The following SUPV3L1 variants were observed in gnomAD, a reference collection of about 807,000 sequenced individuals.
SUPV3L1 encodes the protein Suv3 like RNA helicase.
A neutral mutation model predicts 70.0 loss-of-function variants in SUPV3L1; 35 were observed. The ratio of observed to expected loss-of-function variants is 0.50; its 90% CI spans 0.38 to 0.66. The LOEUF (loss-of-function observed/expected upper bound fraction) is 0.66, where lower values mean the gene tolerates loss of function less well. Among genes scored for constraint, SUPV3L1 ranks in the 30% least tolerant of loss-of-function variants. SUPV3L1 has a pLI of 0.00. For synonymous variants in SUPV3L1, 364 were observed against 341.9 expected, an observed-to-expected ratio of 1.06 and a Z score of -0.71; for missense variants, 777 against 961.5, an observed-to-expected ratio of 0.81 and a Z score of 2.54.
Position 69,196,103 on chromosome 10 carries a change from G to C in SUPV3L1, c.931+838G>C, listed in dbSNP as rs1842535500. Among the ~76,000 whole-genome samples the C allele has an allele frequency of 2.0e-5, 3 of 152,066 alleles. No homozygotes were observed. In the South Asian group the frequency reaches 6.2e-4, roughly 32 times the overall value. On this transcript the variant is annotated intron_variant, in intron 7 of 14. Coordinates refer to ENST00000359655, the MANE Select transcript of SUPV3L1 (RefSeq NM_003171.5). ...ATAGGCTCCTGTAAGTGGAGTTCTTGAGGTCCATAGACATGAATGAACATT... is the reference window on the plus strand; with the variant it reads ...ATAGGCTCCTGTAAGTGGAGTTCTTCAGGTCCATAGACATGAATGAACATT...
intron 13 of SUPV3L1, 94 bp from the exon 14 acceptor site, chr10:69,207,699 T>G: frequency 2.9e-6 from 4 of 1,382,788 alleles, no homozygotes; most frequent in Non-Finnish European, 3.9e-6. Flanking sequence ...ACAACCACAA[T>G]GTTTTGTTTT....
chr10:69,207,696 C>A, intron 13 of SUPV3L1, 97 bp from the exon 14 acceptor site: 1 of 1,391,384 alleles, frequency 7.2e-7, no homozygotes, highest in Non-Finnish European at 9.6e-7. Flanking sequence ...AATACAACCA[C>A]AATGTTTTGT....
rs1348918213 is a variant in SUPV3L1, at chr10:69,209,087, T to C, written c.*52T>C. The C allele has an allele frequency of 2.0e-6, 3 of 1,466,446 alleles. No individual in the cohort carries two copies. The highest frequency in any genetic ancestry group is 2.7e-6 in the Non-Finnish European group (3 of 1,110,396). 90.8% of individuals were successfully genotyped at this position (1,466,446 alleles called of 1,614,324 possible). ...ATTTAATTTTGCAAATAAAAATTTATTTTGAATCCTTTTTCCTCATATGCA... is the reference window on the plus strand; with the variant it reads ...ATTTAATTTTGCAAATAAAAATTTACTTTGAATCCTTTTTCCTCATATGCA... On this transcript the variant is annotated 3_prime_UTR_variant, in exon 15 of 15. Coordinates refer to ENST00000359655, the MANE Select transcript of SUPV3L1 (RefSeq NM_003171.5).
In SUPV3L1 at chr10:69,207,872, C is replaced by T. The variant is rs764627572; in HGVS notation, c.1856C>T (p.Pro619Leu). Residue 619 changes from proline to leucine, a missense_variant, in exon 14 of 15, where the codon CCT becomes CTT. This residue lies in a region of SUPV3L1 where 619 missense variants were observed against 823.3 expected (regional missense o/e 0.75). Transcript: ENST00000359655. ...TACATCAAATGGCCTTTACTTCCAC[C>T]TAAGAATATTAAAGACCTCATGGAT... ...RRYIKWPLLPPKNIKDLMDLE... is the reference protein window; with the variant it reads ...RRYIKWPLLPLKNIKDLMDLE... 2 of 1,614,140 alleles carry T rather than the reference C, an allele frequency of 1.2e-6. No homozygotes were observed. Among genetic ancestry groups the T allele is most frequent in the Non-Finnish European group, 1.7e-6 (2 of 1,180,036 alleles).
intron 8 of SUPV3L1, among the ~76,000 whole-genome samples, chr10:69,198,060 T>G (rs2132292943): frequency 6.6e-6 from 1 of 152,334 alleles, no homozygotes; most frequent in South Asian, 2.1e-4. Flanking sequence ...TTTTACTATT[T>G]TATAAAATGG....
chr10:69,191,688 C>T lies in SUPV3L1; in HGVS notation c.775C>T (p.Arg259Cys), dbSNP rs763235953. ...VPCDLVTGEE[R>C]VTVQPNGKQA... is the part of the protein sequence containing the mutation. ...ATGTGACTTGGTGACAGGTGAAGAG[C>T]GTGTGACAGTTCAGCCAAATGGGAA... The change falls in exon 6 of 15, where the codon CGT becomes TGT. Residue 259 changes from arginine (R) to cysteine (C), a missense_variant. By Grantham distance (180) the Arg-to-Cys change is radical. This residue lies in a region of SUPV3L1 where 619 missense variants were observed against 823.3 expected (regional missense o/e 0.75). Coordinates refer to ENST00000359655, the MANE Select transcript of SUPV3L1 (RefSeq NM_003171.5). 1.5e-5 allele frequency: 24 copies of T among 1,613,832 alleles called. No homozygotes were observed. The highest frequency in any genetic ancestry group is 1.1e-4 in the African/African-American group (8 of 74,862).
At chr10:69,202,074 C>T (rs759069906) in intron 11 of SUPV3L1, among the ~76,000 whole-genome samples, 4 of 138,968 alleles carry the variant, frequency 2.9e-5, no homozygotes, top group South Asian at 2.3e-4. Context: ...CTCCTGACCT[C>T]GTGATCCGCC....
intron 12 of SUPV3L1, 82 bp from the exon 13 acceptor site, chr10:69,202,784 CT>C (rs1356431442): frequency 8.7e-6 from 12 of 1,386,158 alleles, no homozygotes; most frequent in African/African-American, 2.9e-5. Flanking sequence ...AAGAGATTGT[CT>C]TTTATAGACT....
chr10:69,209,048 G>GTTTT lies in SUPV3L1; in HGVS notation c.*23_*26dup. 8 of 1,364,674 alleles carry GTTTT rather than the reference G, an allele frequency of 5.9e-6. No homozygotes were observed. Among genetic ancestry groups the GTTTT allele is most frequent in the Non-Finnish European group, 6.8e-6 (7 of 1,035,528 alleles). The allele number at this position is 1,364,674 out of a possible 1,614,324, so 84.5% of individuals were successfully genotyped here. On this transcript the variant is annotated 3_prime_UTR_variant, in exon 15 of 15. Coordinates refer to ENST00000359655, the MANE Select transcript of SUPV3L1 (RefSeq NM_003171.5). ...TGATTCGGACTAGTTTTCTGTTCCT[G>GTTTT]TTTTTTTTTTTTTATTTAATTTTGC...
In SUPV3L1 at chr10:69,189,411, G is replaced by A; in HGVS notation, c.717G>A (p.Glu239=). 1 of 1,612,034 alleles carries A rather than the reference G, an allele frequency of 6.2e-7. No homozygotes were observed. The highest frequency in any genetic ancestry group is 2.2e-5 in the East Asian group (1 of 44,818). ...YCGPLKLLAH[E]IFEKSNAAGV... ...GCCCTCTAAAATTACTGGCACATGA[G>A]ATCTTCGAAAAGAGTAATGCTGCTG... is the stretch of plus-strand genomic sequence containing the variant. The change falls in exon 5 of 15, where the codon GAG becomes GAA. Residue 239 remains glutamate, a synonymous_variant. Transcript: ENST00000359655.
rs12780787 is a variant in SUPV3L1, at chr10:69,188,275, A to G, written c.572+519A>G. Among the ~76,000 whole-genome samples, 1,029 of 152,168 alleles carry G rather than the reference A, an allele frequency of 6.8e-3. 12 individuals are homozygous for G. Among genetic ancestry groups the G allele is most frequent in the Non-Finnish European group, 0.011 (756 of 67,992 alleles). The stretch of plus-strand genomic sequence containing the variant: ...TATGCACCCTTCTCTTCCACAGTCT[A>G]TTCTTCACATTTTAGCTGCTGAAGC... On this transcript the variant is annotated intron_variant, in intron 4 of 14. Coordinates refer to ENST00000359655, the MANE Select transcript of SUPV3L1 (RefSeq NM_003171.5).
intron 9 of SUPV3L1, among the ~76,000 whole-genome samples, chr10:69,198,789 T>C (rs1842610049): frequency 6.6e-6 from 1 of 152,198 alleles, no homozygotes; most frequent in South Asian, 2.1e-4. Flanking sequence ...AAATGTTGAG[T>C]TTATTATTTT....
At position 69,202,863 on chromosome 10, in the gene SUPV3L1, C is replaced by A; in HGVS notation, c.1600-4C>A. 1 of 1,602,440 alleles carries A rather than the reference C, an allele frequency of 6.2e-7. No homozygotes were observed. The highest frequency in any genetic ancestry group is 8.5e-7 in the Non-Finnish European group (1 of 1,175,008). ...CCAGTAATTTCTGTCTTTTTTTCCC[C>A]AAGGATATTTTTGTAGACTTTTCAC... On this transcript the variant is annotated splice_region_variant and splice_polypyrimidine_tract_variant and intron_variant, in intron 12 of 14. Transcript: ENST00000359655.
At chr10:69,192,071 T>C (rs868055522) in intron 6 of SUPV3L1, 1 of 198,670 alleles carries the variant, frequency 5.0e-6, no homozygotes, top group South Asian at 1.1e-4. Flanking sequence ...CCTCCCAAAG[T>C]ACTGGGATTA....
chr10:69,183,361 T>G (rs1842120534), intron 1 of SUPV3L1, among the ~76,000 whole-genome samples: 1 of 152,180 alleles, frequency 6.6e-6, no homozygotes, highest in Admixed American at 6.5e-5. Context: ...CATTCTATTC[T>G]CTACCTGCAG....
In SUPV3L1 at chr10:69,186,663, A is replaced by G. The variant is rs961446817; in HGVS notation, c.457+113A>G. On this transcript the variant is annotated intron_variant, in intron 3 of 14. Transcript: ENST00000359655. ...TTTGGTTTAGAGTGGGTCTGGTAAC[A>G]TCCTCTGTAAATAATTCAGTGCTTT... The G allele has an allele frequency of 4.1e-5, 33 of 813,244 alleles. No individual in the cohort carries two copies. In the Admixed American group the frequency reaches 8.5e-4, roughly 21 times the overall value. 50.4% of individuals were successfully genotyped at this position (813,244 alleles called of 1,614,324 possible). A position where few individuals can be genotyped will look rare whatever the true frequency, so the allele number is the denominator to read the frequency against.
intron 6 of SUPV3L1, chr10:69,192,949 G>A (rs1377548786): frequency 2.0e-5 from 3 of 152,198 alleles, no homozygotes; most frequent in Non-Finnish European, 2.9e-5. Flanking sequence ...CTGGCCTTGT[G>A]TGGTCCTCCC....
chr10:69,195,720 G>A (rs747866546), intron 7 of SUPV3L1, among the ~76,000 whole-genome samples: 2 of 151,892 alleles, frequency 1.3e-5, no homozygotes, highest in African/African-American at 2.4e-5. Context: ...TACTAATAAC[G>A]CTGCAGTAAA....
chr10:69,209,047 TG>T lies in SUPV3L1; in HGVS notation c.*13del. The T allele has an allele frequency of 3.3e-6, 5 of 1,502,608 alleles. No individual in the cohort carries two copies. The highest frequency in any genetic ancestry group is 2.4e-5 in the Admixed American group (1 of 42,202). 93.1% of individuals were successfully genotyped at this position (1,502,608 alleles called of 1,614,324 possible). On this transcript the variant is annotated 3_prime_UTR_variant, in exon 15 of 15. Transcript: ENST00000359655. ...CTGATTCGGACTAGTTTTCTGTTCC[TG>T]TTTTTTTTTTTTTATTTAATTTTGC... is the stretch of plus-strand genomic sequence containing the variant.
Sources: allele counts gnomAD v4.1 joint callset (sites outside exome capture counted in the v4.1 genomes callset), GRCh38; gene constraint gnomAD v4.1.1; regional missense constraint gnomAD v4.1.1; transcripts MANE v1.5; gene names NCBI Gene and HGNC (gene_info 2026-07-23, HGNC 2026-07-21).